DPYD: variants seen among roughly 807,000 people sequenced by gnomAD.
DPYD encodes dihydropyrimidine dehydrogenase [NADP(+)].
In DPYD, 109 loss-of-function variants were observed where a neutral mutation model predicts 116.2. The ratio of observed to expected loss-of-function variants is 0.94; its 90% confidence interval spans 0.80 to 1.10. The LOEUF (loss-of-function observed/expected upper bound fraction) is 1.10, where lower values mean the gene tolerates loss of function less well. DPYD is among the 50% of genes least tolerant of loss of function. The pLI, the probability that DPYD is intolerant of heterozygous loss-of-function variation, is 0.00. For missense variants in DPYD, 1,302 were observed against 1,254.5 expected, an observed-to-expected ratio of 1.04 and a Z score of -0.57; for synonymous variants, 440 against 432.0, an observed-to-expected ratio of 1.02 and a Z score of -0.23.
chr1:97,195,552 G>C (rs370778730), intron 19 of DPYD, among the ~76,000 whole-genome samples: 1 of 85,822 alleles, frequency 1.2e-5, no homozygotes, highest in Non-Finnish European at 2.5e-5. Context: ...GAGAGAGAGA[G>C]AGAGAGACAG....
chr1:97,532,117 G>T (rs1430082899), intron 12 of DPYD, among the ~76,000 whole-genome samples: 1 of 151,766 alleles, frequency 6.6e-6, no homozygotes, highest in Non-Finnish European at 1.5e-5. Context: ...TTATTTCTTT[G>T]GTTTGGCATA....
chr1:97,654,571 T>C (rs926672973), intron 8 of DPYD, among the ~76,000 whole-genome samples: 9 of 152,264 alleles, frequency 5.9e-5, no homozygotes, highest in Non-Finnish European at 5.9e-5. Flanking sequence ...TCTTTCTGTA[T>C]AGAATCTCCA....
chr1:97,700,626 G>A (rs1303815975), intron 5 of DPYD, among the ~76,000 whole-genome samples: 2 of 151,898 alleles, frequency 1.3e-5, no homozygotes, highest in Non-Finnish European at 2.9e-5. Context: ...GTCAACCACA[G>A]TTTCTACAAA....
intron 18 of DPYD, among the ~76,000 whole-genome samples, chr1:97,241,433 G>T (rs1662334363): frequency 6.6e-6 from 1 of 151,978 alleles, no homozygotes; most frequent in African/African-American, 2.4e-5. Flanking sequence ...TAAAGGAAGA[G>T]AAGCTCAAGC....
At chr1:97,502,671 A>G (rs1490376810) in intron 13 of DPYD, among the ~76,000 whole-genome samples, 1 of 151,988 alleles carries the variant, frequency 6.6e-6, no homozygotes, top group Non-Finnish European at 1.5e-5. Flanking sequence ...TCTGTGAGAA[A>G]TGATGGGGGC....
At chr1:97,762,443 C>G (rs1665627151) in intron 3 of DPYD, among the ~76,000 whole-genome samples, 1 of 152,098 alleles carries the variant, frequency 6.6e-6, no homozygotes, top group East Asian at 1.9e-4. Flanking sequence ...AGGTTATTGT[C>G]ATAGTCCTGC....
At position 97,450,084 on chromosome 1, in the gene DPYD, T is replaced by A; in HGVS notation, c.1880A>T (p.Glu627Val). The part of the protein sequence containing the change: ...TAAYWCQSVT[E>V]LKADFPDNIV... ...GTTGTCTGGAAAGTCAGCCTTTAGT[T>A]CAGTGACACTTTGACACCAATATGC... The change falls in exon 14 of 23, where the codon GAA (glutamate) becomes GTA (valine). Residue 627 changes from glutamate to valine, a missense_variant. By Grantham distance (121) the Glu-to-Val change is moderately radical. Coordinates refer to ENST00000370192, the MANE Select transcript of DPYD (RefSeq NM_000110.4). 1 of 1,613,976 alleles carries A rather than the reference T, an allele frequency of 6.2e-7. No individual in the cohort carries two copies.
At chr1:97,293,127 C>T (rs1047112436) in intron 18 of DPYD, among the ~76,000 whole-genome samples, 4 of 152,138 alleles carry the variant, frequency 2.6e-5, no homozygotes, top group Non-Finnish European at 4.4e-5. Context: ...GAGAGGTTTA[C>T]TAGACCACTT....
chr1:97,181,826 A>C (rs1236759513), intron 20 of DPYD, among the ~76,000 whole-genome samples: 2 of 152,202 alleles, frequency 1.3e-5, no homozygotes, highest in African/African-American at 4.8e-5. Flanking sequence ...TTATAATAAC[A>C]ACCACCATGT....
At chr1:97,754,894 T>G (rs1665143519) in intron 3 of DPYD, among the ~76,000 whole-genome samples, 1 of 152,232 alleles carries the variant, frequency 6.6e-6, no homozygotes, top group Non-Finnish European at 1.5e-5. Flanking sequence ...AAGGACACAA[T>G]GACGGTTCAA....
chr1:97,234,964 G>C lies in DPYD; in HGVS notation c.2330C>G (p.Ala777Gly), dbSNP rs374825099. ...CAGAGCACGAGCAATGGAGGTCACAGCTCTCAAAGCAATAGGTCTGATTGC... is the reference window on the plus strand; with the variant it reads ...CAGAGCACGAGCAATGGAGGTCACACCTCTCAAAGCAATAGGTCTGATTGC... ...GTAIRPIALR[A>G]VTSIARALPG... The change falls in exon 19 of 23, where the codon GCT (alanine) becomes GGT (glycine). Residue 777 changes from alanine (A) to glycine (G), a missense_variant. Coordinates refer to ENST00000370192, the MANE Select transcript of DPYD (RefSeq NM_000110.4). 7 of 1,614,090 alleles carry C rather than the reference G, an allele frequency of 4.3e-6. No individual in the cohort carries two copies. The Admixed American group carries it at 1.2e-4, about 27-fold the overall frequency.
intron 4 of DPYD, among the ~76,000 whole-genome samples, chr1:97,724,301 GGGGGGGGTGTGTGTGTGTGT>G (rs1663098090): frequency 1.3e-4 from 2 of 15,512 alleles, no homozygotes; most frequent in African/African-American, 4.6e-4. Context: ...TGTGGGGGGG[GGGGGGGGTGTGTGTGTGTGT>G]GTGTGTGTGT....
intron 19 of DPYD, among the ~76,000 whole-genome samples, chr1:97,229,166 T>C (rs2100726118): frequency 7.7e-6 from 1 of 129,940 alleles, no homozygotes; most frequent in African/African-American, 3.0e-5. Context: ...ATTGCGTCAC[T>C]GCACTCCAGC....
At chr1:97,791,192 G>T (rs1667301395) in intron 3 of DPYD, among the ~76,000 whole-genome samples, 3 of 152,058 alleles carry the variant, frequency 2.0e-5, no homozygotes, top group Non-Finnish European at 4.4e-5. Flanking sequence ...CAACATTGTG[G>T]GATGTATTGT....
chr1:97,615,873 C>A (rs758345171), intron 8 of DPYD, among the ~76,000 whole-genome samples: 31 of 152,130 alleles, frequency 2.0e-4, no homozygotes, highest in Non-Finnish European at 3.1e-4. Context: ...CTATAGTGCA[C>A]TGAATACAAC....
At chr1:97,535,461 A>C (rs111980591) in intron 12 of DPYD, among the ~76,000 whole-genome samples, 46 of 152,230 alleles carry the variant, frequency 3.0e-4, no homozygotes, top group African/African-American at 1.1e-3. Context: ...CTCCATCAAC[A>C]TGAACTAAGG....
chr1:97,761,318 G>A (rs1242955244), intron 3 of DPYD, among the ~76,000 whole-genome samples: 1 of 152,064 alleles, frequency 6.6e-6, no homozygotes, highest in East Asian at 1.9e-4. Flanking sequence ...GGAGCAATCT[G>A]AAAACGTCTT....
intron 1 of DPYD, among the ~76,000 whole-genome samples, chr1:97,893,461 T>TATATAG (rs1672883987): frequency 7.0e-6 from 1 of 142,610 alleles, no homozygotes; most frequent in South Asian, 2.2e-4. Context: ...TATATATATA[T>TATATAG]AGCAATGGAG....
intron 11 of DPYD, 112 bp downstream of exon 11, chr1:97,573,648 A>T: frequency 7.5e-7 from 1 of 1,333,820 alleles, no homozygotes; most frequent in South Asian, 1.2e-5. Context: ...CTTCTTAACT[A>T]GAAGAGGAAA....
Sources: allele counts gnomAD v4.1 joint callset (sites outside exome capture counted in the v4.1 genomes callset), GRCh38; gene constraint gnomAD v4.1.1; transcripts MANE v1.5; gene names NCBI Gene and HGNC (gene_info 2026-07-23, HGNC 2026-07-21).